The following ARFGEF3 variants were observed in gnomAD, a reference collection of about 807,000 sequenced individuals.
ARFGEF3 encodes ARFGEF family member 3, also known as brefeldin A-inhibited guanine nucleotide-exchange protein 3.
ARFGEF3 carries 96 observed loss-of-function variants against 221.7 expected under a neutral mutation model. The ratio of observed to expected loss-of-function variants is 0.43; its 90% CI spans 0.37 to 0.51. The LOEUF (loss-of-function observed/expected upper bound fraction) is 0.51, where lower values mean the gene tolerates loss of function less well. Among genes scored for constraint, ARFGEF3 ranks in the 20% least tolerant of loss-of-function variants. ARFGEF3 has a pLI of 0.00. For missense variants in ARFGEF3, 2,410 were observed against 2,789.9 expected (o/e 0.86, Z 3.07); for synonymous variants, 1,145 against 1,126.8 (o/e 1.02, Z -0.32).
chr6:138,327,323 C>T (rs1780144082), intron 31 of ARFGEF3, among the ~76,000 whole-genome samples: 1 of 145,126 alleles, frequency 6.9e-6, no homozygotes, highest in Non-Finnish European at 1.5e-5. Context: ...CACCTGTGGT[C>T]CCAGCTACTC....
intron 4 of ARFGEF3, among the ~76,000 whole-genome samples, chr6:138,225,470 C>A (rs1778066027): frequency 6.6e-6 from 1 of 152,166 alleles, no homozygotes; most frequent in Non-Finnish European, 1.5e-5. Context: ...TGTCTTCTAG[C>A]CTTCTAAATT....
rs1447011586 is a variant in ARFGEF3 at position 138,342,568 on chromosome 6, TATGG to T, written c.*6086_*6089del. 2.6e-5 allele frequency: 4 copies of T among 152,248 alleles called. No homozygotes were observed. Among genetic ancestry groups the T allele is most frequent in the African/African-American group, 9.6e-5 (4 of 41,470 alleles). The allele number at this position is 152,248 out of a possible 1,614,324, so 9.4% of individuals were successfully genotyped here. A position where few individuals can be genotyped will look rare whatever the true frequency, so the allele number is the denominator to read the frequency against. ...TCTTTGTATTTAGAAACATTGATTC[TATGG>T]ATGATCATTTGTATCATGTTGACCC... On this transcript the variant is annotated 3_prime_UTR_variant, in exon 34 of 34. Transcript: ENST00000251691.
At chr6:138,244,867 G>C (rs1311796855) in intron 7 of ARFGEF3, among the ~76,000 whole-genome samples, 1 of 152,068 alleles carries the variant, frequency 6.6e-6, no homozygotes, top group African/African-American at 2.4e-5. Flanking sequence ...TAGACCACTG[G>C]CCTAAATATT....
intron 3 of ARFGEF3, among the ~76,000 whole-genome samples, chr6:138,207,582 C>G (rs1777647200): frequency 6.6e-6 from 1 of 152,030 alleles, no homozygotes; most frequent in African/African-American, 2.4e-5. Context: ...ATGTCCAGAG[C>G]AAGACTAGGA....
chr6:138,288,384 C>CA (rs1779335205), intron 17 of ARFGEF3, among the ~76,000 whole-genome samples: 1 of 151,256 alleles, frequency 6.6e-6, no homozygotes, highest in South Asian at 2.1e-4. Context: ...GACCCTATCT[C>CA]AAAAAAATAG....
intron 5 of ARFGEF3, among the ~76,000 whole-genome samples, chr6:138,231,607 C>T (rs1273279061): frequency 6.6e-6 from 1 of 152,148 alleles, no homozygotes; most frequent in Non-Finnish European, 1.5e-5. Flanking sequence ...GAAATGTTTG[C>T]CATTGCCACG....
rs1410626103 is a variant in ARFGEF3 at position 138,291,993 on chromosome 6, G to A, written c.3308G>A (p.Ser1103Asn). ...CGGGCCTCCGACTTCCGCGGCGGGA[G>A]CCTCATGAGCGGGAGCAGCGCGGCC... The part of the protein sequence containing the change: ...RGRASDFRGG[S>N]LMSGSSAAKV... The change falls in exon 19 of 34, where the codon AGC becomes AAC. Residue 1103 changes from serine (S) to asparagine (N), a missense_variant. Physicochemically the swap from Ser to Asn is conservative, Grantham distance 46. This residue lies in a region of ARFGEF3 where 184 missense variants were observed against 141.8 expected (regional missense o/e 1.30). Coordinates refer to ENST00000251691, the MANE Select transcript of ARFGEF3 (RefSeq NM_020340.5). This position sits in a 1 kb window ranked among gnomAD's most constrained non-coding sequence, Gnocchi z 4.5. 6.5e-7 allele frequency: 1 copy of A among 1,537,678 alleles called. No homozygotes were observed. The highest frequency in any genetic ancestry group is 1.2e-5 in the South Asian group (1 of 82,988).
At chr6:138,307,986 C>T (rs1779757395) in intron 23 of ARFGEF3, among the ~76,000 whole-genome samples, 1 of 152,196 alleles carries the variant, frequency 6.6e-6, no homozygotes, top group South Asian at 2.1e-4. Context: ...AATCTATGCA[C>T]CAGCTTCCCT....
In ARFGEF3 at chr6:138,317,197, G is replaced by C. The variant is rs1779940927; in HGVS notation, c.4346-54G>C. The C allele has an allele frequency of 2.5e-6, 4 of 1,585,278 alleles. No individual in the cohort carries two copies. The East Asian group carries it at 9.0e-5, about 36-fold the overall frequency. On this transcript the variant is annotated intron_variant, in intron 26 of 33. Transcript: ENST00000251691. ...ACAATGTTTAATTGGATCTTGAGAT[G>C]ATTATTCATTGTGTCTAACTGGATT... is the stretch of plus-strand genomic sequence containing the variant.
rs9402961 is a variant in ARFGEF3, at chr6:138,231,023, T to A, written c.420+1171T>A. 5.0e-3 allele frequency among the ~76,000 whole-genome samples: 766 copies of A among 152,034 alleles called. 4 individuals carry two copies. The highest frequency in any genetic ancestry group is 0.017 in the African/African-American group (715 of 41,420). ...GAAGAGAGGGGAGGTGTCAAGCCAC[T>A]GCCCCTGCTGATGGAACTGGGGGGA... On this transcript the variant is annotated intron_variant, in intron 5 of 33. Transcript: ENST00000251691.
chr6:138,225,651 A>G (rs183856214), intron 4 of ARFGEF3, among the ~76,000 whole-genome samples: 116 of 152,348 alleles, frequency 7.6e-4, no homozygotes, highest in Middle Eastern at 3.4e-3. Context: ...CTGGAATTGA[A>G]TCGTAGCCTA....
intron 2 of ARFGEF3, among the ~76,000 whole-genome samples, chr6:138,200,596 T>C (rs1303963446): frequency 6.6e-6 from 1 of 152,012 alleles, no homozygotes; most frequent in Non-Finnish European, 1.5e-5. Flanking sequence ...TTTCAACAAA[T>C]GGTGCTGGGA....
At chr6:138,170,595 A>G in intron 1 of ARFGEF3, 67 bp from the exon 2 acceptor site, 1 of 843,678 alleles carries the variant, frequency 1.2e-6, no homozygotes, top group Admixed American at 2.1e-5. Context: ...TAACAGAGAA[A>G]TTCATGTACA....
chr6:138,190,322 G>A (rs1168428324), intron 2 of ARFGEF3, among the ~76,000 whole-genome samples: 2 of 151,916 alleles, frequency 1.3e-5, no homozygotes, highest in African/African-American at 2.4e-5. Context: ...TTGCCAGGAG[G>A]GGCTCTGGGA....
In ARFGEF3 at chr6:138,162,061, G is replaced by T; in HGVS notation, c.-26G>T. On this transcript the variant is annotated 5_prime_UTR_variant, in exon 1 of 34. Transcript: ENST00000251691. The surrounding 1 kb of genome is among the most constrained non-coding windows in gnomAD (Gnocchi z 4.7). The stretch of plus-strand genomic sequence containing the variant: ...CGCCCGCGCTTCTCTCCCTGTGGGC[G>T]GCGGCCCGGCGCCTGGAAGGTCAAG... The T allele has an allele frequency of 6.4e-7, 1 of 1,551,870 alleles. No homozygotes were observed. Among genetic ancestry groups the T allele is most frequent in the Non-Finnish European group, 8.7e-7 (1 of 1,146,098 alleles).
chr6:138,323,815 C>A, intron 30 of ARFGEF3, 42 bp downstream of exon 30: 1 of 1,595,074 alleles, frequency 6.3e-7, no homozygotes, highest in South Asian at 1.1e-5. Flanking sequence ...CAGTTCTAAC[C>A]ATCTTTAGCT....
At chr6:138,246,482 T>C (rs1583030165) in intron 8 of ARFGEF3, among the ~76,000 whole-genome samples, 1 of 152,250 alleles carries the variant, frequency 6.6e-6, no homozygotes, top group East Asian at 1.9e-4. Context: ...AAACTCATTT[T>C]GTTATTTGTT....
At chr6:138,213,287 CAAA>C (rs36044450) in intron 4 of ARFGEF3, among the ~76,000 whole-genome samples, 5 of 90,398 alleles carry the variant, frequency 5.5e-5, no homozygotes, top group Admixed American at 1.2e-4. Context: ...GACTCCATCT[CAAA>C]AAAAAAAAAA....
At chr6:138,281,443 A>T (rs555883601) in intron 14 of ARFGEF3, among the ~76,000 whole-genome samples, 1 of 152,222 alleles carries the variant, frequency 6.6e-6, no homozygotes, top group Non-Finnish European at 1.5e-5. Context: ...AGTAGCCAAC[A>T]GTTTTCAACC....
Sources: gnomAD v4.1 joint callset for allele counts (sites outside exome capture counted in the v4.1 genomes callset) on GRCh38, gnomAD v4.1.1 for gene constraint, gnomAD v4.1.1 regional missense constraint, Gnocchi (gnomAD v3.1) non-coding constraint, MANE v1.5 for transcripts, NCBI Gene and HGNC (gene_info 2026-07-23, HGNC 2026-07-21) for gene names.